The following MAU2 variants were observed in gnomAD, a reference collection of about 807,000 sequenced individuals.
MAU2 encodes MAU2 chromatid cohesion factor homolog.
MAU2 carries 9 observed loss-of-function variants against 89.1 expected under a neutral mutation model. The ratio of observed to expected loss-of-function variants is 0.10; its 90% CI spans 0.06 to 0.18. MAU2 has a LOEUF of 0.18. Ranked by LOEUF, MAU2 falls within the 10% of genes least tolerant of loss-of-function variation. The pLI, the probability that MAU2 is intolerant of heterozygous loss-of-function variation, is 1.00. For missense variants in MAU2, 425 were observed against 803.5 expected (o/e 0.53, Z 5.69); for synonymous variants, 357 against 343.4 (o/e 1.04, Z -0.44).
intron 1 of MAU2, among the ~76,000 whole-genome samples, chr19:19,327,868 GGT>G (rs1441068313): frequency 6.6e-6 from 1 of 151,908 alleles, no homozygotes; most frequent in African/African-American, 2.4e-5. Context: ...CAGTGATGTG[GGT>G]GTGTTTTGGC....
intron 1 of MAU2, chr19:19,334,191 C>G (rs1053221089): frequency 1.3e-5 from 13 of 985,368 alleles, no homozygotes; most frequent in Non-Finnish European, 1.6e-5. Context: ...GCTGAGGAGC[C>G]TCACCTCTGG....
Position 19,323,884 on chromosome 19 carries a change from AAGTTATTG to A in MAU2, c.276+2751_276+2758del, listed in dbSNP as rs555125359. On this transcript the variant is annotated intron_variant, in intron 1 of 18. Transcript: ENST00000262815. ...AGTGATTTGCCCAAGGCTGCACAACAAGTTATTGACAAAACTAGGCTCAAACTCCAGCT... is the reference window on the plus strand; with the variant it reads ...AGTGATTTGCCCAAGGCTGCACAACAACAAAACTAGGCTCAAACTCCAGCT... Among the ~76,000 whole-genome samples, 35 of 152,304 alleles carry A rather than the reference AAGTTATTG, an allele frequency of 2.3e-4. No homozygotes were observed. In the South Asian group the frequency reaches 7.2e-3, roughly 32 times the overall value.
Position 19,357,128 on chromosome 19 carries a change from T to C in MAU2, c.*1346T>C, listed in dbSNP as rs2285627. 91,731 of 152,200 alleles carry C rather than the reference T, an allele frequency of 0.6. 28,545 individuals carry two copies. Among genetic ancestry groups the C allele is most frequent in the East Asian group, 0.7 (3,615 of 5,154 alleles). 9.4% of individuals were successfully genotyped at this position (152,200 alleles called of 1,614,324 possible). ...CGCTGGATTGCTCAGGTCAGCTGCT[T>C]GGGGCTCCCAGGCTGGGTGTGCCTT... On this transcript the variant is annotated 3_prime_UTR_variant, in exon 19 of 19. Transcript: ENST00000262815.
At chr19:19,326,691 A>ATATATATACGTGTATATATATATATACAT (rs1555792830) in intron 1 of MAU2, among the ~76,000 whole-genome samples, 1 of 109,448 alleles carries the variant, frequency 9.1e-6, no homozygotes, top group Non-Finnish European at 1.9e-5. Context: ...CTCAAAAAAA[A>ATATATATACGTGTATATATATATATACAT]ATATATATAT....
rs961011649 is a variant in MAU2 at position 19,350,416 on chromosome 19, C to G, written c.1548+980C>G. Among the ~76,000 whole-genome samples, 36 of 148,492 alleles carry G rather than the reference C, an allele frequency of 2.4e-4. No homozygotes were observed. In the East Asian group the frequency reaches 2.6e-3, roughly 11 times the overall value. On this transcript the variant is annotated intron_variant, in intron 16 of 18. Transcript: ENST00000262815. ...GTCAAGAGTTCAAGACCAGCCTGGTCAACATGGTGAAACCTCATCTCTACT... is the reference window on the plus strand; with the variant it reads ...GTCAAGAGTTCAAGACCAGCCTGGTGAACATGGTGAAACCTCATCTCTACT...
chr19:19,357,145 G>A lies in MAU2; in HGVS notation c.*1363G>A, dbSNP rs896735991. ...CAGCTGCTTGGGGCTCCCAGGCTGG[G>A]TGTGCCTTAGCCACAGGCAGGGCTG... On this transcript the variant is annotated 3_prime_UTR_variant, in exon 19 of 19. Coordinates refer to ENST00000262815, the MANE Select transcript of MAU2 (RefSeq NM_015329.4). The A allele has an allele frequency of 3.3e-5, 5 of 152,288 alleles. No homozygotes were observed. The highest frequency in any genetic ancestry group is 7.3e-5 in the Non-Finnish European group (5 of 68,140). 9.4% of individuals were successfully genotyped at this position (152,288 alleles called of 1,614,324 possible). A position where few individuals can be genotyped will look rare whatever the true frequency, so the allele number is the denominator to read the frequency against.
At chr19:19,351,641 C>T (rs1568667807) in intron 16 of MAU2, among the ~76,000 whole-genome samples, 1 of 151,748 alleles carries the variant, frequency 6.6e-6, no homozygotes, top group South Asian at 2.1e-4. Flanking sequence ...GATCATGTTA[C>T]TGCACTCCAG....
intron 1 of MAU2, among the ~76,000 whole-genome samples, chr19:19,329,317 A>G (rs1356811072): frequency 2.0e-5 from 3 of 150,630 alleles, no homozygotes; most frequent in African/African-American, 7.3e-5. Flanking sequence ...CTTCCCTCTC[A>G]CTCTTGAGTC....
At chr19:19,347,412 T>C (rs755228784) in intron 13 of MAU2, 46 bp downstream of exon 13, 17 of 1,493,220 alleles carry the variant, frequency 1.1e-5, no homozygotes, top group Non-Finnish European at 1.6e-5. Flanking sequence ...TCTGTTCTCT[T>C]CTTTTTGGGG....
chr19:19,337,121 CTTG>C, intron 3 of MAU2, 46 bp from the exon 4 acceptor site: 2 of 1,187,218 alleles, frequency 1.7e-6, no homozygotes, highest in Non-Finnish European at 2.3e-6. Context: ...TGATTGCCGC[CTTG>C]TTTTTTTTTT....
At chr19:19,336,337 G>T (rs543393597) in intron 3 of MAU2, 150 bp downstream of exon 3, 1 of 614,416 alleles carries the variant, frequency 1.6e-6, no homozygotes, top group African/African-American at 1.8e-5. Flanking sequence ...GTCTCACTCT[G>T]TCGCCCAGGC....
chr19:19,341,278 G>A lies in MAU2; in HGVS notation c.606G>A (p.Gln202=). 6.2e-7 allele frequency: 1 copy of A among 1,612,384 alleles called. No homozygotes were observed. Among genetic ancestry groups the A allele is most frequent in the Non-Finnish European group, 8.5e-7 (1 of 1,179,990 alleles). Residue 202 remains glutamine, a synonymous_variant, in exon 7 of 19, where the codon CAG becomes CAA. Coordinates refer to ENST00000262815, the MANE Select transcript of MAU2 (RefSeq NM_015329.4). ...GMLLLMERKL[Q]EVHPLLTLCG... ...TGCTGCTGATGGAGCGAAAGCTGCA[G>A]GAGGTGCACCCGCTGCTGACCCTCT...
At chr19:19,335,690 A>G (rs1196651526) in intron 1 of MAU2, 28 bp from the exon 2 acceptor site, 1 of 1,613,854 alleles carries the variant, frequency 6.2e-7, no homozygotes, top group Non-Finnish European at 8.5e-7. Context: ...TTGCCTGAGA[A>G]TTAATCGTTG....
chr19:19,325,838 T>G (rs1021437112), intron 1 of MAU2, among the ~76,000 whole-genome samples: 1 of 152,210 alleles, frequency 6.6e-6, no homozygotes, highest in African/African-American at 2.4e-5. Context: ...TAAAACCTAT[T>G]ATTGGCCCCT....
rs534052433 is a variant in MAU2, at chr19:19,335,606, G to C, written c.277-112G>C. The stretch of plus-strand genomic sequence containing the variant: ...AAGCGGGCCGCCTTCTTGTTACCTG[G>C]ATACCTGGCAGCCTCTGTTCTCAGG... On this transcript the variant is annotated intron_variant, in intron 1 of 18. Transcript: ENST00000262815. 18 of 1,069,720 alleles carry C rather than the reference G, an allele frequency of 1.7e-5. No homozygotes were observed. In the East Asian group the frequency reaches 3.8e-4, roughly 22 times the overall value. 66.3% of individuals were successfully genotyped at this position (1,069,720 alleles called of 1,614,324 possible).
In MAU2 at chr19:19,355,702, C is replaced by G. The variant is rs1198152392; in HGVS notation, c.1768-6C>G. ...GCCTCACTCGCATGTCCTCTCCTCC[C>G]CACAGTGGACAGACGGTCCACCCCC... On this transcript the variant is annotated splice_polypyrimidine_tract_variant and splice_region_variant and intron_variant, in intron 18 of 18. Transcript: ENST00000262815. 6.2e-7 allele frequency: 1 copy of G among 1,607,678 alleles called. No individual in the cohort carries two copies. Among genetic ancestry groups the G allele is most frequent in the Non-Finnish European group, 8.5e-7 (1 of 1,177,784 alleles).
intron 16 of MAU2, among the ~76,000 whole-genome samples, chr19:19,350,683 A>G (rs11085260): frequency 0.84 from 126,354 of 150,446 alleles, 53,164 homozygotes; most frequent in East Asian, 1. Context: ...GGCAGATCAC[A>G]AGGTCAGGAG....
At chr19:19,325,555 C>A (rs993384251) in intron 1 of MAU2, among the ~76,000 whole-genome samples, 3 of 152,030 alleles carry the variant, frequency 2.0e-5, no homozygotes, top group Non-Finnish European at 4.4e-5. Flanking sequence ...TTTCAGCTCA[C>A]TGCATACTCC....
chr19:19,333,694 G>A lies in MAU2; in HGVS notation c.277-2024G>A, dbSNP rs114228688. Among the ~76,000 whole-genome samples the A allele has an allele frequency of 9.7e-3, 1,481 of 152,338 alleles. 29 individuals are homozygous for A. Among genetic ancestry groups the A allele is most frequent in the African/African-American group, 0.033 (1,378 of 41,568 alleles). On this transcript the variant is annotated intron_variant, in intron 1 of 18. Transcript: ENST00000262815. ...GGAGAGCATCCCATGGCCACAGACT[G>A]GAAAGGAAAGCTTCTCCGCCCAAAG...
Sources: gnomAD v4.1 joint callset for allele counts (sites outside exome capture counted in the v4.1 genomes callset) on GRCh38, gnomAD v4.1.1 for gene constraint, MANE v1.5 for transcripts, NCBI Gene and HGNC (gene_info 2026-07-23, HGNC 2026-07-21) for gene names.